HMGA2: variants seen among roughly 807,000 people sequenced by gnomAD.
The protein encoded by HMGA2 is high mobility group protein HMGI-C.
A neutral mutation model predicts 19.1 loss-of-function variants in HMGA2; 8 were observed. That is an observed-to-expected ratio of 0.42 (90% confidence interval 0.25 to 0.76). The LOEUF (loss-of-function observed/expected upper bound fraction) is 0.76. Ranked by LOEUF, HMGA2 falls within the 30% of genes least tolerant of loss-of-function variation. HMGA2 has a pLI of 0.28. For synonymous variants in HMGA2, 60 were observed against 48.8 expected (o/e 1.23, Z -0.96); for missense variants, 109 against 136.3 (o/e 0.80, Z 1.00).
intron 3 of HMGA2, among the ~76,000 whole-genome samples, chr12:65,951,088 C>G (rs528776296): frequency 6.6e-6 from 1 of 152,034 alleles, no homozygotes; most frequent in Admixed American, 6.6e-5. Context: ...CGCCACCACA[C>G]CCTGTTAATT....
chr12:65,939,451 A>G (rs1326512888), intron 3 of HMGA2, among the ~76,000 whole-genome samples: 1 of 151,820 alleles, frequency 6.6e-6, no homozygotes, highest in Non-Finnish European at 1.5e-5. Flanking sequence ...CACTTCCCAG[A>G]GTCAAGCTAT....
At chr12:65,854,778 A>T (rs1373817880) in intron 3 of HMGA2, among the ~76,000 whole-genome samples, 1 of 152,210 alleles carries the variant, frequency 6.6e-6, no homozygotes. Context: ...TTTGTGGCAC[A>T]TCCCATGATG....
At chr12:65,915,370 C>T in intron 3 of HMGA2, 5 of 1,321,222 alleles carry the variant, frequency 3.8e-6, no homozygotes, top group Non-Finnish European at 3.9e-6. Flanking sequence ...AAAAAGTACT[C>T]ACTCTAGGCA....
At chr12:65,864,814 T>C (rs1872303847) in intron 3 of HMGA2, among the ~76,000 whole-genome samples, 1 of 152,174 alleles carries the variant, frequency 6.6e-6, no homozygotes. Context: ...ATTAGAAATA[T>C]TTTGATCCAT....
At chr12:65,933,640 A>G (rs1282012233) in intron 3 of HMGA2, among the ~76,000 whole-genome samples, 1 of 152,230 alleles carries the variant, frequency 6.6e-6, no homozygotes, top group East Asian at 1.9e-4. Context: ...GTAGCTATGC[A>G]TAGGTAAGTC....
chr12:65,849,736 A>ACTT (rs1871375278), intron 3 of HMGA2, among the ~76,000 whole-genome samples: 1 of 85,128 alleles, frequency 1.2e-5, no homozygotes, highest in African/African-American at 5.4e-5. Context: ...TAGGCTCTGT[A>ACTT]TTTTTTTTTT....
At chr12:65,873,049 T>A (rs1872787560) in intron 3 of HMGA2, among the ~76,000 whole-genome samples, 1 of 152,184 alleles carries the variant, frequency 6.6e-6, no homozygotes, top group Non-Finnish European at 1.5e-5. Context: ...AAGACCCAGT[T>A]CAAATACGGT....
rs1342196653 is a variant in HMGA2 at position 65,851,693 on chromosome 12, T to A, written c.249+13124T>A. 1.2e-5 allele frequency: 5 copies of A among 427,972 alleles called. No individual in the cohort carries two copies. The Admixed American group carries it at 1.3e-4, about 11-fold the overall frequency. 26.5% of individuals were successfully genotyped at this position (427,972 alleles called of 1,614,324 possible). A position where few individuals can be genotyped will look rare whatever the true frequency, so the allele number is the denominator to read the frequency against. The stretch of plus-strand genomic sequence containing the variant: ...AACAACAACAAAAAATCATTAGTTT[T>A]AAACCCTGTGAAAATATGTTGTCAG... On this transcript the variant is annotated intron_variant, in intron 3 of 4. Coordinates refer to ENST00000403681, the MANE Select transcript of HMGA2 (RefSeq NM_003483.6).
intron 3 of HMGA2, among the ~76,000 whole-genome samples, chr12:65,900,842 A>T (rs1874342919): frequency 6.6e-6 from 1 of 152,338 alleles, no homozygotes; most frequent in African/African-American, 2.4e-5. Flanking sequence ...ATTTTTAGAA[A>T]GTTTGAGAGC....
Position 65,913,135 on chromosome 12 carries a change from TG to T in HMGA2, c.250-38247del, listed in dbSNP as rs1261735444. Among the ~76,000 whole-genome samples, 4 of 152,220 alleles carry T rather than the reference TG, an allele frequency of 2.6e-5. No homozygotes were observed. The East Asian group carries it at 7.7e-4, about 29-fold the overall frequency. On this transcript the variant is annotated intron_variant, in intron 3 of 4. Coordinates refer to ENST00000403681, the MANE Select transcript of HMGA2 (RefSeq NM_003483.6). ...TAATTACTTATAATCATGAGTCTCTTGTTTTCTGTGTAGTTCTCCACACAAC... is the reference window on the plus strand; with the variant it reads ...TAATTACTTATAATCATGAGTCTCTTTTTTCTGTGTAGTTCTCCACACAAC...
At chr12:65,937,519 A>G (rs1875938178) in intron 3 of HMGA2, among the ~76,000 whole-genome samples, 1 of 152,122 alleles carries the variant, frequency 6.6e-6, no homozygotes, top group Non-Finnish European at 1.5e-5. Flanking sequence ...TTAGTTATTT[A>G]CTACCCATCT....
At chr12:65,842,886 A>G in intron 3 of HMGA2, 1 of 1,265,264 alleles carries the variant, frequency 7.9e-7, no homozygotes, top group Non-Finnish European at 1.0e-6. Flanking sequence ...CTCAGGCTCA[A>G]GAATACAATG....
In HMGA2 at chr12:65,880,630, T is replaced by C. The variant is rs181327697; in HGVS notation, c.249+42061T>C. Among the ~76,000 whole-genome samples the C allele has an allele frequency of 4.7e-4, 72 of 152,336 alleles. 1 individual carries two copies. The highest frequency in any genetic ancestry group is 3.9e-3 in the Admixed American group (59 of 15,304). ...GTTAGAAGTACTAGTTCAGTGTTTG[T>C]ATTTGTATGTTTTGCCTCAGAATCA... On this transcript the variant is annotated intron_variant, in intron 3 of 4. Transcript: ENST00000403681.
intron 3 of HMGA2, chr12:65,882,129 A>G (rs1485215677): frequency 6.7e-6 from 3 of 449,330 alleles, no homozygotes; most frequent in Non-Finnish European, 1.2e-5. Context: ...AACCTTAGTC[A>G]ATGACAGAGC....
chr12:65,825,441 A>C lies in HMGA2; in HGVS notation c.111+60A>C. On this transcript the variant is annotated intron_variant, in intron 1 of 4. Coordinates refer to ENST00000403681, the MANE Select transcript of HMGA2 (RefSeq NM_003483.6). This position sits in a 1 kb window ranked among gnomAD's most constrained non-coding sequence, Gnocchi z 4.4. ...CCCCGTCCCCACTGCCGGGGCCCAG[A>C]CACGCGCGGGGCGGCCGGAGTGCGG... is the stretch of plus-strand genomic sequence containing the variant. 1 of 1,247,848 alleles carries C rather than the reference A, an allele frequency of 8.0e-7. No homozygotes were observed. The highest frequency in any genetic ancestry group is 1.1e-6 in the Non-Finnish European group (1 of 938,836). 77.3% of individuals were successfully genotyped at this position (1,247,848 alleles called of 1,614,324 possible). A position where few individuals can be genotyped will look rare whatever the true frequency, so the allele number is the denominator to read the frequency against.
intron 3 of HMGA2, chr12:65,842,131 T>C: frequency 7.8e-7 from 1 of 1,288,382 alleles, no homozygotes; most frequent in Non-Finnish European, 1.0e-6. Flanking sequence ...TGGCTTTTTA[T>C]AGTTAAGAGC....
intron 3 of HMGA2, chr12:65,867,058 G>A (rs1872460561): frequency 2.4e-6 from 1 of 410,372 alleles, no homozygotes; most frequent in Admixed American, 2.7e-5. Context: ...AGAGGAGAGT[G>A]TGTGAGGAAA....
chr12:65,853,150 A>G (rs1301666020), intron 3 of HMGA2, among the ~76,000 whole-genome samples: 1 of 152,118 alleles, frequency 6.6e-6, no homozygotes, highest in Non-Finnish European at 1.5e-5. Flanking sequence ...GACCAGTTGG[A>G]AAATTGATTG....
chr12:65,928,695 T>C (rs1875602328), intron 3 of HMGA2, among the ~76,000 whole-genome samples: 1 of 152,208 alleles, frequency 6.6e-6, no homozygotes, highest in Admixed American at 6.5e-5. Context: ...TCAAACTTTT[T>C]GGCTAACAAC....
Sources: gnomAD v4.1 joint callset for allele counts (sites outside exome capture counted in the v4.1 genomes callset) on GRCh38, gnomAD v4.1.1 for gene constraint, Gnocchi (gnomAD v3.1) non-coding constraint, MANE v1.5 for transcripts, NCBI Gene and HGNC (gene_info 2026-07-23, HGNC 2026-07-21) for gene names.